Variants in GRIA3 observed in about 807,000 individuals in gnomAD.
The protein encoded by GRIA3 is glutamate ionotropic receptor AMPA type subunit 3.
A neutral mutation model predicts 63.0 loss-of-function variants in GRIA3; 3 were observed. The ratio of observed to expected loss-of-function variants is 0.05; its 90% CI spans 0.02 to 0.12. The LOEUF (loss-of-function observed/expected upper bound fraction) is 0.12, where lower values mean the gene tolerates loss of function less well. Among genes scored for constraint, GRIA3 ranks in the 10% least tolerant of loss-of-function variants. GRIA3 has a pLI of 1.00. For missense variants in GRIA3, 347 were observed against 700.9 expected, an observed-to-expected ratio of 0.50 and a Z score of 5.70; for synonymous variants, 274 against 257.9, an observed-to-expected ratio of 1.06 and a Z score of -0.60.
intron 3 of GRIA3, among the ~76,000 whole-genome samples, chrX:123,270,636 C>T (rs1466958709): frequency 5.3e-5 from 6 of 112,210 alleles, no homozygotes; most frequent in African/African-American, 1.9e-4. Context: ...GATTCAATCC[C>T]AGCTCTGACA....
chrX:123,277,284 G>C (rs2044560247), intron 3 of GRIA3, among the ~76,000 whole-genome samples: 1 of 111,131 alleles, frequency 9.0e-6, no homozygotes, highest in Non-Finnish European at 1.9e-5. Context: ...CATTCTTTAA[G>C]ATATTTTAAA....
At chrX:123,464,795 A>G in intron 12 of GRIA3, 70 bp from the exon 13 acceptor site, 1 of 1,032,996 alleles carries the variant, frequency 9.7e-7, no homozygotes, top group Non-Finnish European at 1.3e-6. Context: ...AAAAAAAAAA[A>G]ACTACTGCAC....
chrX:123,322,981 T>G (rs1158537342), intron 3 of GRIA3, among the ~76,000 whole-genome samples: 1 of 112,674 alleles, frequency 8.9e-6, no homozygotes, highest in African/African-American at 3.2e-5. Flanking sequence ...GCCTCTCATT[T>G]GTGGCAGTAT....
At chrX:123,352,768 C>T (rs1222291228) in intron 4 of GRIA3, among the ~76,000 whole-genome samples, 2 of 110,927 alleles carry the variant, frequency 1.8e-5, no homozygotes, top group Non-Finnish European at 3.8e-5. Flanking sequence ...AAAAATTCAA[C>T]AAATGTATGG....
chrX:123,317,733 T>C (rs2044841329), intron 3 of GRIA3, among the ~76,000 whole-genome samples: 1 of 111,925 alleles, frequency 8.9e-6, no homozygotes, highest in Admixed American at 9.4e-5. Flanking sequence ...GTGTTGAGTG[T>C]CTGCGGCTTT....
At chrX:123,375,159 T>A in intron 5 of GRIA3, among the ~76,000 whole-genome samples, 1 of 112,065 alleles carries the variant, frequency 8.9e-6, no homozygotes, top group Non-Finnish European at 1.9e-5. Context: ...ATGTTGAACT[T>A]TATCAAATGC....
In GRIA3 at chrX:123,288,573, A is replaced by G. The variant is rs141548348; in HGVS notation, c.508+35031A>G. On this transcript the variant is annotated intron_variant, in intron 3 of 15. Coordinates refer to ENST00000620443, the MANE Select transcript of GRIA3 (RefSeq NM_007325.5). Reference sequence around the variant, plus strand: ...GGAACTTAAACAAACTTACAGGAAAAAAAACAAATTACCCCATCTAAAAGT... The same window carrying G: ...GGAACTTAAACAAACTTACAGGAAAGAAAACAAATTACCCCATCTAAAAGT... Among the ~76,000 whole-genome samples the G allele has an allele frequency of 6.1e-3, 681 of 112,135 alleles. 2 individuals carry two copies. The highest frequency in any genetic ancestry group is 0.02 in the African/African-American group (623 of 30,858).
At chrX:123,246,218 C>T (rs1463701684) in intron 2 of GRIA3, among the ~76,000 whole-genome samples, 1 of 112,027 alleles carries the variant, frequency 8.9e-6, no homozygotes, top group Non-Finnish European at 1.9e-5. Flanking sequence ...TTTAATTTTG[C>T]TATGTTAAAT....
chrX:123,248,941 T>C (rs1485119358), intron 2 of GRIA3, among the ~76,000 whole-genome samples: 4 of 112,084 alleles, frequency 3.6e-5, no homozygotes, highest in African/African-American at 1.3e-4. Context: ...TGGAGGGAGC[T>C]GAGGGAAGCA....
At position 123,360,853 on chromosome X, in the gene GRIA3, TCTCACACACACA is replaced by T. The variant is rs1286438191; in HGVS notation, c.750+5892_750+5903del. Among the ~76,000 whole-genome samples the T allele has an allele frequency of 4.6e-3, 121 of 26,257 alleles. 1 individual carries two copies. Among genetic ancestry groups the T allele is most frequent in the Middle Eastern group, 0.029 (1 of 34 alleles). 22.8% of individuals were successfully genotyped at this position (26,257 alleles called of 115,157 possible). A position where few individuals can be genotyped will look rare whatever the true frequency, so the allele number is the denominator to read the frequency against. The stretch of plus-strand genomic sequence containing the variant: ...TCCCTCCTCTCTCTCTCTCTCTCTC[TCTCACACACACA>T]CACACACACACACACACACACACAC... On this transcript the variant is annotated intron_variant, in intron 5 of 15. Transcript: ENST00000620443.
chrX:123,221,165 A>G (rs1442224094), intron 2 of GRIA3, among the ~76,000 whole-genome samples: 3 of 112,794 alleles, frequency 2.7e-5, no homozygotes, highest in Non-Finnish European at 5.6e-5. Context: ...TCAGTTTAGC[A>G]TCAACTTGCA....
At chrX:123,313,194 C>T (rs1372065567) in intron 3 of GRIA3, among the ~76,000 whole-genome samples, 2 of 111,634 alleles carry the variant, frequency 1.8e-5, no homozygotes, top group African/African-American at 3.3e-5. Context: ...GGGTGTTTTA[C>T]GTGGGTTTCT....
rs2045904917 is a variant in GRIA3, at chrX:123,479,978, C to T, written c.2325-85C>T. 8.6e-6 allele frequency: 6 copies of T among 695,127 alleles called. No individual in the cohort carries two copies. In the South Asian group the frequency reaches 1.1e-4, roughly 13 times the overall value. The allele number at this position is 695,127 out of a possible 1,213,427, so 57.3% of individuals were successfully genotyped here. On this transcript the variant is annotated intron_variant, in intron 13 of 15. Coordinates refer to ENST00000620443, the MANE Select transcript of GRIA3 (RefSeq NM_007325.5). ...GTGGCCAGGGCCCCCTGCTTTATCG[C>T]TTTCTATAGTTTTAAAGTAGTTTGA...
chrX:123,412,270 G>A (rs1330069855), intron 10 of GRIA3, among the ~76,000 whole-genome samples: 1 of 111,708 alleles, frequency 9.0e-6, no homozygotes, highest in East Asian at 2.8e-4. Flanking sequence ...GAGCTCTCTT[G>A]GGACTGCCAT....
chrX:123,286,507 T>G (rs1285004148), intron 3 of GRIA3, among the ~76,000 whole-genome samples: 2 of 111,110 alleles, frequency 1.8e-5, no homozygotes, highest in Non-Finnish European at 3.8e-5. Flanking sequence ...ATTAACGAAA[T>G]AGACCACTAA....
intron 5 of GRIA3, among the ~76,000 whole-genome samples, chrX:123,375,130 G>A (rs1356782926): frequency 9.0e-6 from 1 of 111,199 alleles, no homozygotes; most frequent in Non-Finnish European, 1.9e-5. Flanking sequence ...AGTTTTTTTA[G>A]GGTCTTTATC....
At chrX:123,423,347 G>C (rs1166637626) in intron 11 of GRIA3, among the ~76,000 whole-genome samples, 2 of 111,675 alleles carry the variant, frequency 1.8e-5, no homozygotes, top group African/African-American at 3.3e-5. Flanking sequence ...AAGACATGAA[G>C]GGTATAAAAT....
At chrX:123,361,705 T>C (rs765095357) in intron 5 of GRIA3, among the ~76,000 whole-genome samples, 1 of 111,047 alleles carries the variant, frequency 9.0e-6, no homozygotes, top group East Asian at 2.8e-4. Context: ...CTCTCTTCTC[T>C]CTCTCCCCTG....
At chrX:123,419,584 G>A (rs2045553709) in intron 11 of GRIA3, among the ~76,000 whole-genome samples, 1 of 111,295 alleles carries the variant, frequency 9.0e-6, no homozygotes, top group Non-Finnish European at 1.9e-5. Flanking sequence ...CTTGCAGGGA[G>A]CAGAGAGGGG....
Sources: allele counts gnomAD v4.1 joint callset (sites outside exome capture counted in the v4.1 genomes callset), GRCh38; gene constraint gnomAD v4.1.1; transcripts MANE v1.5; gene names NCBI Gene and HGNC (gene_info 2026-07-23, HGNC 2026-07-21).